Variants in SRGAP1 observed in about 807,000 individuals in gnomAD.
SRGAP1 encodes the protein SLIT-ROBO Rho GTPase-activating protein 1.
Under a neutral mutation model 121.9 loss-of-function variants are expected in SRGAP1, and 43 were observed. The ratio of observed to expected loss-of-function variants is 0.35; its 90% CI spans 0.28 to 0.46. SRGAP1 has a LOEUF of 0.46. Among genes scored for constraint, SRGAP1 ranks in the 20% least tolerant of loss-of-function variants. The probability of loss-of-function intolerance (pLI) is 1.00; values close to 1 mark genes in which losing one functional copy is unlikely to be tolerated. For missense variants in SRGAP1, 1,102 were observed against 1,350.9 expected, an observed-to-expected ratio of 0.82 and a Z score of 2.89; for synonymous variants, 447 against 485.4, an observed-to-expected ratio of 0.92 and a Z score of 1.04.
intron 1 of SRGAP1, among the ~76,000 whole-genome samples, chr12:63,885,296 A>G (rs892671399): frequency 6.6e-6 from 1 of 152,130 alleles, no homozygotes; most frequent in East Asian, 1.9e-4. Context: ...ACTTAGGGAA[A>G]CACGCTTACT....
At chr12:64,052,963 C>A (rs973820118) in intron 6 of SRGAP1, among the ~76,000 whole-genome samples, 1 of 152,100 alleles carries the variant, frequency 6.6e-6, no homozygotes, top group Admixed American at 6.6e-5. Flanking sequence ...TTTGTTTACT[C>A]CTGAGTCTTT....
At chr12:64,007,005 G>T (rs2034105240) in intron 3 of SRGAP1, among the ~76,000 whole-genome samples, 1 of 152,118 alleles carries the variant, frequency 6.6e-6, no homozygotes, top group African/African-American at 2.4e-5. Flanking sequence ...AATCTATGCA[G>T]ACATGGATTT....
chr12:64,040,773 A>G (rs1037875852), intron 4 of SRGAP1, among the ~76,000 whole-genome samples: 6 of 152,230 alleles, frequency 3.9e-5, no homozygotes, highest in African/African-American at 1.4e-4. Flanking sequence ...AATATTTATT[A>G]AGCACCTATG....
At chr12:63,990,562 A>G (rs541631222) in intron 3 of SRGAP1, among the ~76,000 whole-genome samples, 34 of 152,304 alleles carry the variant, frequency 2.2e-4, no homozygotes, top group Non-Finnish European at 4.1e-4. Context: ...TAAAAATTAG[A>G]TGAATTAATC....
intron 21 of SRGAP1, among the ~76,000 whole-genome samples, chr12:64,130,074 T>C (rs1035143878): frequency 1.3e-5 from 2 of 152,222 alleles, no homozygotes; most frequent in Admixed American, 6.5e-5. Flanking sequence ...CCTGCCTGGA[T>C]TGGGCTATTG....
intron 1 of SRGAP1, among the ~76,000 whole-genome samples, chr12:63,890,776 C>T (rs1274741353): frequency 2.0e-5 from 3 of 152,178 alleles, no homozygotes. Context: ...CAGTGATAGG[C>T]TGTCTGCCTG....
At chr12:63,935,252 T>G (rs7307238) in intron 1 of SRGAP1, among the ~76,000 whole-genome samples, 1 of 152,106 alleles carries the variant, frequency 6.6e-6, no homozygotes, top group Admixed American at 6.5e-5. Flanking sequence ...GCTTTATGCC[T>G]CGTGGAATTG....
intron 1 of SRGAP1, among the ~76,000 whole-genome samples, chr12:63,978,413 C>T (rs1363586168): frequency 2.0e-5 from 3 of 152,170 alleles, no homozygotes; most frequent in African/African-American, 7.2e-5. Flanking sequence ...TACTTTCTGT[C>T]TCTATAGATT....
chr12:64,045,041 A>G (rs1173768782), intron 6 of SRGAP1, among the ~76,000 whole-genome samples: 2 of 152,098 alleles, frequency 1.3e-5, no homozygotes, highest in East Asian at 1.9e-4. Flanking sequence ...ACTTTATCCT[A>G]TAATATCATA....
chr12:64,123,289 G>A (rs1489874509), intron 18 of SRGAP1, among the ~76,000 whole-genome samples: 1 of 152,196 alleles, frequency 6.6e-6, no homozygotes, highest in Non-Finnish European at 1.5e-5. Flanking sequence ...TGGGGTTACA[G>A]TGAGCAATGA....
intron 21 of SRGAP1, among the ~76,000 whole-genome samples, chr12:64,137,962 ATAT>A (rs1411141336): frequency 8.9e-6 from 1 of 111,768 alleles, no homozygotes; most frequent in South Asian, 2.8e-4. Flanking sequence ...TAAAAAAAAA[ATAT>A]ATATATATAT....
At chr12:64,097,154 A>G (rs536762462) in intron 14 of SRGAP1, 87 bp from the exon 15 acceptor site, 4 of 1,345,560 alleles carry the variant, frequency 3.0e-6, no homozygotes, top group African/African-American at 1.5e-5. Context: ...ACATGTATAT[A>G]TAGCAACGTG....
At chr12:63,969,733 G>T (rs1307468113) in intron 1 of SRGAP1, among the ~76,000 whole-genome samples, 1 of 151,886 alleles carries the variant, frequency 6.6e-6, no homozygotes, top group Non-Finnish European at 1.5e-5. Context: ...GGCAGAGCTT[G>T]CAGTGAACCG....
intron 3 of SRGAP1, among the ~76,000 whole-genome samples, chr12:64,013,087 TA>T (rs2034298632): frequency 6.6e-6 from 1 of 152,178 alleles, no homozygotes; most frequent in South Asian, 2.1e-4. Flanking sequence ...ATTTTCTAAT[TA>T]AAGGATTTCA....
chr12:64,064,304 C>G (rs903801126), intron 7 of SRGAP1, among the ~76,000 whole-genome samples: 3 of 152,174 alleles, frequency 2.0e-5, no homozygotes, highest in African/African-American at 7.2e-5. Context: ...AAGAGCATTT[C>G]TAAAACAAGG....
chr12:64,028,895 G>A (rs7978207), intron 4 of SRGAP1, among the ~76,000 whole-genome samples: 58,423 of 151,966 alleles, frequency 0.38, 11,936 homozygotes, highest in Non-Finnish European at 0.48. Flanking sequence ...TGTTGCATTC[G>A]TGAAGCATTC....
intron 1 of SRGAP1, among the ~76,000 whole-genome samples, chr12:63,863,535 G>A (rs1420933406): frequency 6.6e-6 from 1 of 152,156 alleles, no homozygotes; most frequent in Non-Finnish European, 1.5e-5. Context: ...GCCTCTCAAA[G>A]TGCTGGGATT....
chr12:64,019,631 A>G (rs899840359), intron 4 of SRGAP1, among the ~76,000 whole-genome samples: 1 of 152,122 alleles, frequency 6.6e-6, no homozygotes, highest in Non-Finnish European at 1.5e-5. Context: ...CTTGCATTTT[A>G]TCTTCAGATA....
intron 1 of SRGAP1, among the ~76,000 whole-genome samples, chr12:63,974,873 A>G (rs2033052052): frequency 6.6e-6 from 1 of 152,114 alleles, no homozygotes; most frequent in Non-Finnish European, 1.5e-5. Flanking sequence ...TATTTAAGGC[A>G]TGACATTTCC....
Sources: gnomAD v4.1 joint callset for allele counts (sites outside exome capture counted in the v4.1 genomes callset) on GRCh38, gnomAD v4.1.1 for gene constraint, MANE v1.5 for transcripts, NCBI Gene and HGNC (gene_info 2026-07-23, HGNC 2026-07-21) for gene names.